FBXW11: variants seen among roughly 807,000 people sequenced by gnomAD.
The protein encoded by FBXW11 is F-box/WD repeat-containing protein 11.
In FBXW11, 19 loss-of-function variants were observed where a neutral mutation model predicts 77.6. That is an observed-to-expected ratio of 0.24 (90% CI 0.17 to 0.36). The LOEUF is 0.36. Ranked by LOEUF, FBXW11 falls within the 10% of genes least tolerant of loss-of-function variation. The probability of loss-of-function intolerance (pLI) is 1.00; values close to 1 mark genes in which losing one functional copy is unlikely to be tolerated. For synonymous variants in FBXW11, 235 were observed against 249.4 expected (o/e 0.94, Z 0.54); for missense variants, 334 against 704.2 (o/e 0.47, Z 5.95).
intron 7 of FBXW11, among the ~76,000 whole-genome samples, chr5:171,878,572 G>A (rs1758267303): frequency 3.1e-5 from 2 of 64,804 alleles, no homozygotes; most frequent in Non-Finnish European, 4.0e-5. Context: ...GTGTGTGTGT[G>A]TGTGTGTGTG....
chr5:171,894,024 G>A (rs1309455508), intron 6 of FBXW11, among the ~76,000 whole-genome samples: 1 of 140 alleles, frequency 7.1e-3, no homozygotes. Flanking sequence ...TTTTCTCCAT[G>A]CTCTCCGCTG....
chr5:171,980,062 C>G (rs1475010066), intron 1 of FBXW11, among the ~76,000 whole-genome samples: 1 of 152,206 alleles, frequency 6.6e-6, no homozygotes, highest in Admixed American at 6.5e-5. Flanking sequence ...AGGCTATGAC[C>G]TAATGCTTGC....
At chr5:171,933,705 G>A (rs1351407264) in intron 2 of FBXW11, among the ~76,000 whole-genome samples, 1 of 152,184 alleles carries the variant, frequency 6.6e-6, no homozygotes, top group Non-Finnish European at 1.5e-5. Context: ...ACCATCACCT[G>A]CTTATCCTGC....
At chr5:171,999,827 T>G (rs1307336555) in intron 1 of FBXW11, among the ~76,000 whole-genome samples, 1 of 149,224 alleles carries the variant, frequency 6.7e-6, no homozygotes, top group East Asian at 1.9e-4. Flanking sequence ...AGCCAAAGCT[T>G]TTTTTTTTAT....
rs1269236257 is a variant in FBXW11, at chr5:171,876,717, G to A, written c.972-183C>T. ...CCTGGCAGGAGATGTTTTGGGTCAT[G>A]GTGGTGTATCACTCATGAATGGCTT... On this transcript the variant is annotated intron_variant, in intron 8 of 13. Coordinates refer to ENST00000517395, the MANE Select transcript of FBXW11 (RefSeq NM_001378974.1). This position sits in a 1 kb window ranked among gnomAD's most constrained non-coding sequence, Gnocchi z 4.2. 6.6e-6 allele frequency among the ~76,000 whole-genome samples: 1 copy of A among 152,158 alleles called. No homozygotes were observed. Among genetic ancestry groups the A allele is most frequent in the African/African-American group, 2.4e-5 (1 of 41,434 alleles).
chr5:171,867,153 C>G (rs1022815532), intron 13 of FBXW11, among the ~76,000 whole-genome samples: 12 of 152,086 alleles, frequency 7.9e-5, no homozygotes, highest in Admixed American at 1.3e-4. Context: ...TGGTTTACCG[C>G]TAATAGATGG....
At chr5:171,946,254 T>C (rs564757167) in intron 2 of FBXW11, among the ~76,000 whole-genome samples, 47 of 152,318 alleles carry the variant, frequency 3.1e-4, no homozygotes, top group African/African-American at 1.1e-3. Flanking sequence ...AATATCTATC[T>C]ACTATTGATT....
At chr5:171,921,783 G>T (rs1055706680) in intron 2 of FBXW11, among the ~76,000 whole-genome samples, 1 of 152,164 alleles carries the variant, frequency 6.6e-6, no homozygotes, top group African/African-American at 2.4e-5. Flanking sequence ...TTGTCACCCA[G>T]GCTGAAGTAC....
At chr5:171,967,295 C>T (rs1173635734) in intron 1 of FBXW11, among the ~76,000 whole-genome samples, 1 of 152,180 alleles carries the variant, frequency 6.6e-6, no homozygotes, top group East Asian at 1.9e-4. Context: ...ATTCACATCA[C>T]TGTTCATAAT....
intron 2 of FBXW11, among the ~76,000 whole-genome samples, chr5:171,931,857 CTCCCTCTCT>C (rs1762218678): frequency 2.0e-4 from 1 of 4,944 alleles, no homozygotes; most frequent in Non-Finnish European, 4.9e-4. Flanking sequence ...CCCTCCCTCC[CTCCCTCTCT>C]CTCTCTCTCT....
chr5:171,903,542 TC>T (rs1234930208), intron 4 of FBXW11, among the ~76,000 whole-genome samples: 1 of 152,226 alleles, frequency 6.6e-6, no homozygotes, highest in Non-Finnish European at 1.5e-5. Context: ...CCTTCTTTTA[TC>T]ACATTTTTGT....
chr5:171,877,017 G>A (rs900263218), intron 8 of FBXW11, among the ~76,000 whole-genome samples: 1 of 152,122 alleles, frequency 6.6e-6, no homozygotes, highest in Non-Finnish European at 1.5e-5. Flanking sequence ...TTCCTTTATA[G>A]CAATACAAAT....
intron 2 of FBXW11, among the ~76,000 whole-genome samples, chr5:171,924,262 G>C (rs1003981871): frequency 5.3e-5 from 8 of 152,082 alleles, no homozygotes; most frequent in African/African-American, 1.4e-4. Flanking sequence ...GAAGCCTGAA[G>C]ACAAGGCTGC....
chr5:171,972,942 T>C (rs887311061), intron 1 of FBXW11, among the ~76,000 whole-genome samples: 1 of 152,202 alleles, frequency 6.6e-6, no homozygotes, highest in Non-Finnish European at 1.5e-5. Flanking sequence ...AGCAGCCAGG[T>C]TATTGCTTCA....
intron 2 of FBXW11, among the ~76,000 whole-genome samples, chr5:171,941,843 C>T (rs146795889): frequency 4.4e-4 from 66 of 150,116 alleles, no homozygotes; most frequent in African/African-American, 1.5e-3. Context: ...TTGGGAAAGA[C>T]GCATGAACCT....
Position 171,996,772 on chromosome 5 carries a change from G to A in FBXW11, c.45+9686C>T, listed in dbSNP as rs576916235. 1.3e-3 allele frequency: 841 copies of A among 663,334 alleles called. 16 individuals carry two copies. Among genetic ancestry groups the A allele is most frequent in the South Asian group, 0.013 (663 of 52,910 alleles). 41.1% of individuals were successfully genotyped at this position (663,334 alleles called of 1,614,324 possible). A position where few individuals can be genotyped will look rare whatever the true frequency, so the allele number is the denominator to read the frequency against. On this transcript the variant is annotated intron_variant, in intron 1 of 13. Transcript: ENST00000517395. Reference sequence around the variant, plus strand: ...GCCAAACATGACACTACGCACAAACGTCTAATATTTCTCCCTTTCCCTATT... The same window carrying A: ...GCCAAACATGACACTACGCACAAACATCTAATATTTCTCCCTTTCCCTATT...
chr5:171,879,905 G>T (rs951898149), intron 7 of FBXW11, among the ~76,000 whole-genome samples: 13 of 152,158 alleles, frequency 8.5e-5, no homozygotes, highest in African/African-American at 3.1e-4. Context: ...TCCAGACAAT[G>T]TCTCTCACAG....
intron 4 of FBXW11, among the ~76,000 whole-genome samples, chr5:171,905,951 C>T (rs1321350194): frequency 1.3e-5 from 2 of 152,166 alleles, no homozygotes; most frequent in Non-Finnish European, 2.9e-5. Context: ...TAATACTTCG[C>T]ACACAGTGCT....
At chr5:171,948,409 G>A (rs1054483018) in intron 2 of FBXW11, among the ~76,000 whole-genome samples, 2 of 151,216 alleles carry the variant, frequency 1.3e-5, no homozygotes, top group African/African-American at 4.9e-5. Flanking sequence ...TCTTCTTCAT[G>A]CTTGTCCACT....
Sources: allele counts gnomAD v4.1 joint callset (sites outside exome capture counted in the v4.1 genomes callset), GRCh38; gene constraint gnomAD v4.1.1; non-coding constraint Gnocchi (gnomAD v3.1); transcripts MANE v1.5; gene names NCBI Gene and HGNC (gene_info 2026-07-23, HGNC 2026-07-21).